AGAP1: variants seen among roughly 807,000 people sequenced by gnomAD.
The protein encoded by AGAP1 is ArfGAP with GTPase domain, ankyrin repeat and PH domain 1.
In AGAP1, 29 loss-of-function variants were observed where a neutral mutation model predicts 105.3. The ratio of observed to expected loss-of-function variants is 0.28; its 90% CI spans 0.21 to 0.38. The LOEUF is 0.38. Ranked by LOEUF, AGAP1 falls within the 10% of genes least tolerant of loss-of-function variation. The pLI, the probability that AGAP1 is intolerant of heterozygous loss-of-function variation, is 1.00. For missense variants in AGAP1, 998 were observed against 1,165.1 expected (o/e 0.86, Z 2.09); for synonymous variants, 509 against 485.9 (o/e 1.05, Z -0.63).
chr2:235,981,742 C>T lies in AGAP1; in HGVS notation c.1645+13119C>T, dbSNP rs1192080220. ...TCCGCATTTTTATAACTGAGGAAAC[C>T]GAGGGTCATAAAGTTTAAGTAACTT... On this transcript the variant is annotated intron_variant, in intron 13 of 17. Coordinates refer to ENST00000304032, the MANE Select transcript of AGAP1 (RefSeq NM_001037131.3). The surrounding 1 kb of genome is among the most constrained non-coding windows in gnomAD (Gnocchi z 5.5). Among the ~76,000 whole-genome samples the T allele has an allele frequency of 2.0e-5, 3 of 152,042 alleles. No individual in the cohort carries two copies. The highest frequency in any genetic ancestry group is 2.9e-5 in the Non-Finnish European group (2 of 68,006).
intron 1 of AGAP1, among the ~76,000 whole-genome samples, chr2:235,616,245 C>T (rs996545992): frequency 1.3e-5 from 2 of 151,922 alleles, no homozygotes; most frequent in Non-Finnish European, 1.5e-5. Flanking sequence ...CCTGTAGTCC[C>T]AGCTACTGGG....
chr2:235,774,019 A>T (rs1458937731), intron 6 of AGAP1: 7 of 465,328 alleles, frequency 1.5e-5, no homozygotes, highest in South Asian at 1.1e-4. Flanking sequence ...GGACCAAGAG[A>T]TAGCAATTAC....
In AGAP1 at chr2:235,690,625, G is replaced by A. The variant is rs1949691873; in HGVS notation, c.164-18554G>A. On this transcript the variant is annotated intron_variant, in intron 1 of 17. Transcript: ENST00000304032. The surrounding 1 kb of genome is among the most constrained non-coding windows in gnomAD (Gnocchi z 4.1). ...GAGAGCTACAGCAGAGCGTCTGCTT[G>A]AGGAGCTCTGACGGGCTGGGCAGCC... Among the ~76,000 whole-genome samples the A allele has an allele frequency of 6.6e-6, 1 of 152,150 alleles. No homozygotes were observed. Among genetic ancestry groups the A allele is most frequent in the African/African-American group, 2.4e-5 (1 of 41,438 alleles).
intron 10 of AGAP1, among the ~76,000 whole-genome samples, chr2:235,899,421 G>A (rs1055819631): frequency 1.3e-4 from 20 of 152,208 alleles, no homozygotes; most frequent in African/African-American, 4.6e-4. Context: ...GCTGAGGCAG[G>A]AGAATTGCTT....
chr2:235,606,876 G>A (rs1046506377), intron 1 of AGAP1, among the ~76,000 whole-genome samples: 2 of 148,812 alleles, frequency 1.3e-5, no homozygotes, highest in African/African-American at 5.0e-5. Flanking sequence ...TTGAGGCGGA[G>A]GCTGCAGTGA....
intron 1 of AGAP1, among the ~76,000 whole-genome samples, chr2:235,587,468 C>T (rs537367831): frequency 4.8e-4 from 73 of 152,260 alleles, no homozygotes; most frequent in African/African-American, 1.6e-3. Context: ...AGTCTCCCAA[C>T]AGGCCGGGTG....
chr2:235,563,833 C>T (rs1944249813), intron 1 of AGAP1, among the ~76,000 whole-genome samples: 2 of 152,216 alleles, frequency 1.3e-5, no homozygotes, highest in South Asian at 4.1e-4. Flanking sequence ...TAATCCTTGT[C>T]ACAACCCCTT....
chr2:236,036,600 C>T lies in AGAP1; in HGVS notation c.1685C>T (p.Thr562Ile). 6.2e-7 allele frequency: 1 copy of T among 1,614,196 alleles called. No homozygotes were observed. Among genetic ancestry groups the T allele is most frequent in the Non-Finnish European group, 8.5e-7 (1 of 1,180,038 alleles). The change falls in exon 14 of 18, where the codon ACT (threonine) becomes ATT (isoleucine). Residue 562 changes from threonine (T) to isoleucine (I), a missense_variant. Physicochemically the swap from Thr to Ile is moderately conservative, Grantham distance 89. Transcript: ENST00000304032. This position sits in a 1 kb window ranked among gnomAD's most constrained non-coding sequence, Gnocchi z 5.7. ...ENFEFIIVSL[T>I]GQTWHFEATT... is the part of the protein sequence containing the mutation. ...TTTGAGTTTATCATTGTGTCCCTCA[C>T]TGGCCAAACATGGCACTTTGAAGCC...
At chr2:236,117,655 G>A (rs1165783836) in intron 16 of AGAP1, among the ~76,000 whole-genome samples, 1 of 152,228 alleles carries the variant, frequency 6.6e-6, no homozygotes. Flanking sequence ...ACCAAAAAAT[G>A]AGAGTTAGCA....
intron 6 of AGAP1, among the ~76,000 whole-genome samples, chr2:235,784,150 T>C (rs1473452100): frequency 6.6e-6 from 1 of 152,184 alleles, no homozygotes; most frequent in Non-Finnish European, 1.5e-5. Flanking sequence ...AAAAAATTGT[T>C]ACTACATTAA....
chr2:235,669,634 G>GCCCGCCA (rs547526665), intron 1 of AGAP1: 24,553 of 148,024 alleles, frequency 0.17, 2,732 homozygotes, highest in East Asian at 0.33. Flanking sequence ...GCCGCCCGCC[G>GCCCGCCA]CCCGCCACCC....
intron 10 of AGAP1, among the ~76,000 whole-genome samples, chr2:235,903,510 G>GT (rs1213231023): frequency 1.3e-5 from 2 of 152,182 alleles, no homozygotes; most frequent in African/African-American, 4.8e-5. Flanking sequence ...ACAGCCAAAG[G>GT]TAACCTCCGG....
intron 9 of AGAP1, among the ~76,000 whole-genome samples, chr2:235,831,184 T>TAAAAAATAAAAAAA (rs1959326356): frequency 7.2e-6 from 1 of 138,116 alleles, no homozygotes; most frequent in Non-Finnish European, 1.5e-5. Context: ...TCTTCTTCTT[T>TAAAAAATAAAAAAA]AAAAAAAAAA....
rs1040693771 is a variant in AGAP1, at chr2:236,053,083, G to A, written c.2114+3802G>A. Among the ~76,000 whole-genome samples, 16 of 152,292 alleles carry A rather than the reference G, an allele frequency of 1.1e-4. No homozygotes were observed. The highest frequency in any genetic ancestry group is 3.9e-4 in the Admixed American group (6 of 15,300). ...ACCATAACGTAGCGTGTTGTAGGGC[G>A]TCGAGCAGCTGGGCCGGGGGCCACC... On this transcript the variant is annotated intron_variant, in intron 16 of 17. Transcript: ENST00000304032. This position sits in a 1 kb window ranked among gnomAD's most constrained non-coding sequence, Gnocchi z 4.6.
chr2:235,865,313 G>A lies in AGAP1; in HGVS notation c.1051-18032G>A, dbSNP rs770258725. On this transcript the variant is annotated intron_variant, in intron 9 of 17. Coordinates refer to ENST00000304032, the MANE Select transcript of AGAP1 (RefSeq NM_001037131.3). The surrounding 1 kb of genome is among the most constrained non-coding windows in gnomAD (Gnocchi z 6.2). ...TCAGCAGTGAGGTAGGAATAGACGC[G>A]GCTAATGACAGGAAGGTCGCGCGGG... Among the ~76,000 whole-genome samples, 7 of 152,134 alleles carry A rather than the reference G, an allele frequency of 4.6e-5. No homozygotes were observed. The highest frequency in any genetic ancestry group is 1.9e-4 in the East Asian group (1 of 5,184).
chr2:236,033,743 C>G (rs928000471), intron 13 of AGAP1, among the ~76,000 whole-genome samples: 8 of 152,334 alleles, frequency 5.3e-5, no homozygotes, highest in African/African-American at 1.9e-4. Flanking sequence ...GAGCCCTGCA[C>G]CCATACAGTG....
chr2:236,107,563 C>T (rs1006641483), intron 16 of AGAP1, among the ~76,000 whole-genome samples: 5 of 152,212 alleles, frequency 3.3e-5, no homozygotes, highest in African/African-American at 1.2e-4. Flanking sequence ...AGGCAGGGAG[C>T]GCTAGTGGCA....
intron 6 of AGAP1, among the ~76,000 whole-genome samples, chr2:235,780,716 G>A (rs1194396440): frequency 1.3e-5 from 2 of 152,158 alleles, no homozygotes; most frequent in Non-Finnish European, 2.9e-5. Context: ...TAAGTTGGGG[G>A]AAAAATTACT....
At chr2:235,731,830 C>CA (rs1283698718) in intron 3 of AGAP1, among the ~76,000 whole-genome samples, 6 of 152,056 alleles carry the variant, frequency 3.9e-5, no homozygotes, top group Non-Finnish European at 7.4e-5. Flanking sequence ...TAATAAACGT[C>CA]AAAAAACGCA....
Sources: allele counts gnomAD v4.1 joint callset (sites outside exome capture counted in the v4.1 genomes callset), GRCh38; gene constraint gnomAD v4.1.1; non-coding constraint Gnocchi (gnomAD v3.1); transcripts MANE v1.5; gene names NCBI Gene and HGNC (gene_info 2026-07-23, HGNC 2026-07-21).